NRXN3: variants seen among roughly 807,000 people sequenced by gnomAD.
NRXN3 encodes the protein neurexin 3, also known as neurexin III.
In NRXN3, 32 loss-of-function variants were observed where a neutral mutation model predicts 137.6. That is an observed-to-expected ratio of 0.23 (90% CI 0.18 to 0.31). The LOEUF (loss-of-function observed/expected upper bound fraction) is 0.31, where lower values mean the gene tolerates loss of function less well. Among genes scored for constraint, NRXN3 ranks in the 10% least tolerant of loss-of-function variants. The pLI, the probability that NRXN3 is intolerant of heterozygous loss-of-function variation, is 1.00. For missense variants in NRXN3, 1,574 were observed against 2,062.5 expected (o/e 0.76, Z 4.59); for synonymous variants, 798 against 784.5 (o/e 1.02, Z -0.29).
intron 15 of NRXN3, among the ~76,000 whole-genome samples, chr14:79,183,366 C>T (rs951984178): frequency 2.6e-5 from 4 of 152,144 alleles, no homozygotes; most frequent in Admixed American, 6.5e-5. Context: ...TGTTAATTAG[C>T]TCAGTGGATT....
chr14:79,218,008 G>A (rs116779884), intron 15 of NRXN3, among the ~76,000 whole-genome samples: 2,732 of 152,210 alleles, frequency 0.018, 82 homozygotes, highest in African/African-American at 0.063. Context: ...TATCTGACAC[G>A]TAAATAAAGC....
chr14:78,854,213 GCTGTCATC>G (rs1279010357), intron 10 of NRXN3, among the ~76,000 whole-genome samples: 1 of 152,186 alleles, frequency 6.6e-6, no homozygotes, highest in Non-Finnish European at 1.5e-5. Flanking sequence ...ATTTTTAGTA[GCTGTCATC>G]CTGTCCCAAG....
chr14:79,726,975 G>C (rs967530793), intron 19 of NRXN3, among the ~76,000 whole-genome samples: 2 of 152,112 alleles, frequency 1.3e-5, no homozygotes, highest in African/African-American at 4.8e-5. Flanking sequence ...TATTTACACT[G>C]TTGGGAAAAC....
At chr14:79,504,247 A>T (rs555438443) in intron 16 of NRXN3, among the ~76,000 whole-genome samples, 1 of 152,196 alleles carries the variant, frequency 6.6e-6, no homozygotes, top group South Asian at 2.1e-4. Context: ...ACTCCTCAAT[A>T]TTATCCATTA....
chr14:79,505,786 G>A (rs1046568125), intron 16 of NRXN3, among the ~76,000 whole-genome samples: 22 of 152,314 alleles, frequency 1.4e-4, no homozygotes, highest in African/African-American at 5.1e-4. Flanking sequence ...CACTTGATGT[G>A]TGTATTAGCT....
chr14:78,324,546 A>C (rs998803770), intron 4 of NRXN3, among the ~76,000 whole-genome samples: 1 of 152,126 alleles, frequency 6.6e-6, no homozygotes, highest in Non-Finnish European at 1.5e-5. Context: ...AACAAAACCA[A>C]ATTAAGAGAT....
At chr14:79,603,175 G>T (rs556476886) in intron 16 of NRXN3, among the ~76,000 whole-genome samples, 1 of 152,306 alleles carries the variant, frequency 6.6e-6, no homozygotes, top group South Asian at 2.1e-4. Flanking sequence ...GTTCCCTGGA[G>T]TTATTTTCTT....
At chr14:78,735,545 C>T (rs747609648) in intron 8 of NRXN3, among the ~76,000 whole-genome samples, 21 of 152,098 alleles carry the variant, frequency 1.4e-4, no homozygotes, top group Non-Finnish European at 2.4e-4. Context: ...GTAGAAATGA[C>T]TGAAGTTTGG....
intron 20 of NRXN3, among the ~76,000 whole-genome samples, chr14:79,848,213 C>T (rs536866315): frequency 6.6e-6 from 1 of 152,284 alleles, no homozygotes; most frequent in Non-Finnish European, 1.5e-5. Context: ...TAAAGTCAAA[C>T]AACCAGAAAG....
chr14:78,511,157 G>A (rs1434095332), intron 4 of NRXN3, among the ~76,000 whole-genome samples: 3 of 152,004 alleles, frequency 2.0e-5, no homozygotes, highest in Non-Finnish European at 4.4e-5. Flanking sequence ...AACAGCAGCA[G>A]CAACAACAAC....
At chr14:78,360,189 T>A (rs2084910229) in intron 4 of NRXN3, among the ~76,000 whole-genome samples, 1 of 152,156 alleles carries the variant, frequency 6.6e-6, no homozygotes, top group Non-Finnish European at 1.5e-5. Context: ...CCTGAGCTTC[T>A]CTAGGGAACT....
In NRXN3 at chr14:79,646,787, C is replaced by T. The variant is rs188047211; in HGVS notation, c.3445-16991C>T. On this transcript the variant is annotated intron_variant, in intron 16 of 20. Coordinates refer to ENST00000335750, the MANE Select transcript of NRXN3 (RefSeq NM_001330195.2). ...ACTGCTCTTCTCTGAAAAGAAACTA[C>T]TGGAATCACACTTCTTGTAACTTCT... Among the ~76,000 whole-genome samples, 7 of 136,094 alleles carry T rather than the reference C, an allele frequency of 5.1e-5. No individual in the cohort carries two copies. The East Asian group carries it at 1.2e-3, about 23-fold the overall frequency. The allele number at this position is 136,094 out of a possible 152,430, so 89.3% of individuals were successfully genotyped here.
chr14:79,790,709 C>T (rs761490350), intron 19 of NRXN3, among the ~76,000 whole-genome samples: 2 of 150,434 alleles, frequency 1.3e-5, no homozygotes, highest in Non-Finnish European at 2.9e-5. Flanking sequence ...CAACCTCCGC[C>T]TCCCAGGTTC....
intron 14 of NRXN3, among the ~76,000 whole-genome samples, chr14:78,987,701 A>G (rs899239267): frequency 1.3e-5 from 2 of 152,172 alleles, no homozygotes; most frequent in Non-Finnish European, 2.9e-5. Context: ...AAAAAAAGCT[A>G]TAATCCAAAT....
rs181067133 is a variant in NRXN3 at position 78,781,424 on chromosome 14, T to A, written c.2045-22196T>A. Among the ~76,000 whole-genome samples the A allele has an allele frequency of 7.9e-4, 120 of 152,292 alleles. No individual in the cohort carries two copies. The East Asian group carries it at 0.015, about 19-fold the overall frequency. On this transcript the variant is annotated intron_variant, in intron 8 of 20. Transcript: ENST00000335750. ...AACCAGGTTACAGGTATGTAGATAT[T>A]TATTATATTATTATTTCTACTTGTT...
chr14:79,353,337 T>C (rs1177201582), intron 15 of NRXN3, among the ~76,000 whole-genome samples: 1 of 152,116 alleles, frequency 6.6e-6, no homozygotes, highest in African/African-American at 2.4e-5. Flanking sequence ...TCCTTTTTCT[T>C]TTTAATGAAC....
chr14:79,082,893 A>G (rs6574486), intron 15 of NRXN3, among the ~76,000 whole-genome samples: 150,912 of 152,278 alleles, frequency 0.99, 74,802 homozygotes, highest in Middle Eastern at 1. Flanking sequence ...ATACACATTG[A>G]CATCATCTCT....
intron 15 of NRXN3, among the ~76,000 whole-genome samples, chr14:78,999,838 ATGT>A (rs1156383578): frequency 6.6e-6 from 1 of 152,164 alleles, no homozygotes; most frequent in South Asian, 2.1e-4. Flanking sequence ...TTCCAAAGTG[ATGT>A]TGTGGTTTAT....
chr14:79,630,635 A>G (rs189119996), intron 16 of NRXN3, among the ~76,000 whole-genome samples: 52 of 152,242 alleles, frequency 3.4e-4, no homozygotes, highest in African/African-American at 9.6e-4. Context: ...GGCTAAGGCA[A>G]TTTTCACAGT....
Sources: allele counts gnomAD v4.1 joint callset (sites outside exome capture counted in the v4.1 genomes callset), GRCh38; gene constraint gnomAD v4.1.1; transcripts MANE v1.5; gene names NCBI Gene and HGNC (gene_info 2026-07-23, HGNC 2026-07-21).